The following TLN1 variants were observed in gnomAD, a reference collection of about 807,000 sequenced individuals.
TLN1 encodes talin 1.
A neutral mutation model predicts 292.3 loss-of-function variants in TLN1; 56 were observed. That is an observed-to-expected ratio of 0.19 (90% CI 0.15 to 0.24). The LOEUF (loss-of-function observed/expected upper bound fraction) is 0.24, where lower values mean the gene tolerates loss of function less well. Ranked by LOEUF, TLN1 falls within the 10% of genes least tolerant of loss-of-function variation. The probability of loss-of-function intolerance (pLI) is 1.00; values close to 1 mark genes in which losing one functional copy is unlikely to be tolerated. For synonymous variants in TLN1, 1,119 were observed against 1,253.7 expected (o/e 0.89, Z 2.27); for missense variants, 2,433 against 3,248.2 (o/e 0.75, Z 6.10).
Position 35,703,933 on chromosome 9 carries a change from G to A in TLN1, c.6232-33C>T, listed in dbSNP as rs979489700. 4 of 1,613,726 alleles carry A rather than the reference G, an allele frequency of 2.5e-6. No individual in the cohort carries two copies. In the African/African-American group the frequency reaches 4.0e-5, roughly 16 times the overall value. On this transcript the variant is annotated intron_variant, in intron 46 of 56. Coordinates refer to ENST00000314888, the MANE Select transcript of TLN1 (RefSeq NM_006289.4). ...GGAAAGCGTTGGCTCTGGTCTATGG[G>A]AGGAAGAAGCGGGACAGGAAGTGAT... is the stretch of plus-strand genomic sequence containing the variant.
intron 48 of TLN1, among the ~76,000 whole-genome samples, chr9:35,701,772 T>C (rs1587976300): frequency 6.6e-6 from 1 of 152,010 alleles, no homozygotes; most frequent in Non-Finnish European, 1.5e-5. Context: ...TAGCAAAACT[T>C]AGATGTGGGG....
At chr9:35,708,189 G>T in intron 34 of TLN1, 152 bp downstream of exon 34, 5 of 986,110 alleles carry the variant, frequency 5.1e-6, no homozygotes, top group Non-Finnish European at 7.2e-6. Context: ...GAGACCCATG[G>T]CAGAAAAAGA....
intron 1 of TLN1, 52 bp from the exon 2 acceptor site, chr9:35,725,779 G>GC (rs777217938): frequency 1.6e-5 from 25 of 1,518,846 alleles, no homozygotes; most frequent in African/African-American, 2.7e-5. Context: ...GGGAGAAGAG[G>GC]CCCCCCAGAT....
rs751491477 is a variant in TLN1, at chr9:35,719,758, C to T, written c.1560G>A (p.Pro520=). The change falls in exon 14 of 57, where the codon CCG becomes CCA. Residue 520 remains proline (P), a synonymous_variant. Coordinates refer to ENST00000314888, the MANE Select transcript of TLN1 (RefSeq NM_006289.4). This position sits in a 1 kb window ranked among gnomAD's most constrained non-coding sequence, Gnocchi z 4.6. ...TACTTACAGCATCCTGGCCAAGAGGCGGCAGAGTGTCAAAGTCATCCAGGG... is the reference window on the plus strand; with the variant it reads ...TACTTACAGCATCCTGGCCAAGAGGTGGCAGAGTGTCAAAGTCATCCAGGG... ...QATLDDFDTL[P]PLGQDAASKA... is the part of the protein sequence containing the mutation. 2.8e-5 allele frequency: 45 copies of T among 1,608,630 alleles called. No homozygotes were observed. Among genetic ancestry groups the T allele is most frequent in the South Asian group, 4.4e-5 (4 of 90,262 alleles).
Position 35,705,979 on chromosome 9 carries a change from T to C in TLN1, c.5494A>G (p.Thr1832Ala). 6.2e-7 allele frequency: 1 copy of C among 1,614,154 alleles called. No homozygotes were observed. Among genetic ancestry groups the C allele is most frequent in the Non-Finnish European group, 8.5e-7 (1 of 1,180,010 alleles). The change falls in exon 41 of 57, where the codon ACC (threonine) becomes GCC (alanine). Residue 1832 changes from threonine to alanine, a missense_variant. Thr to Ala is a moderately conservative substitution (Grantham distance 58, BLOSUM62 0). Coordinates refer to ENST00000314888, the MANE Select transcript of TLN1 (RefSeq NM_006289.4). ...GVVGGMVDSITQAINQLDEGP... is the reference protein window; with the variant it reads ...GVVGGMVDSIAQAINQLDEGP... ...ACTCTAACCTGGTTGATGGCCTGGG[T>C]GATGGAGTCCACCATGCCACCCACG... is the stretch of plus-strand genomic sequence containing the variant.
Position 35,719,406 on chromosome 9 carries a change from C to T in TLN1, c.1687+113G>A. 2 of 1,341,046 alleles carry T rather than the reference C, an allele frequency of 1.5e-6. No individual in the cohort carries two copies. Among genetic ancestry groups the T allele is most frequent in the Non-Finnish European group, 2.1e-6 (2 of 936,998 alleles). 83.1% of individuals were successfully genotyped at this position (1,341,046 alleles called of 1,614,324 possible). A position where few individuals can be genotyped will look rare whatever the true frequency, so the allele number is the denominator to read the frequency against. ...CCACAGAAAGACGCACACACACAGT[C>T]CCTTCCACAGTGAGTCAAGGCACAG... is the stretch of plus-strand genomic sequence containing the variant. On this transcript the variant is annotated intron_variant, in intron 15 of 56. Transcript: ENST00000314888. This position sits in a 1 kb window ranked among gnomAD's most constrained non-coding sequence, Gnocchi z 4.6.
rs1055810800 is a variant in TLN1 at position 35,704,363 on chromosome 9, G to A, written c.6016C>T (p.Arg2006Cys). 11 of 1,614,116 alleles carry A rather than the reference G, an allele frequency of 6.8e-6. No individual in the cohort carries two copies. The highest frequency in any genetic ancestry group is 4.4e-5 in the South Asian group (4 of 91,078). The change falls in exon 45 of 57, where the codon CGT becomes TGT. Residue 2006 changes from arginine to cysteine, a missense_variant. By Grantham distance (180) the Arg-to-Cys change is radical. Transcript: ENST00000314888. This position sits in a 1 kb window ranked among gnomAD's most constrained non-coding sequence, Gnocchi z 6.9. ...TCAGCGAAAGTTTCAGTACCCTCAC[G>A]ATTGAGCGTGCCAGCAGTGGCGAAC... The part of the protein sequence containing the change: ...IMFATAGTLN[R>C]EGTETFADHR...
chr9:35,705,717 G>A (rs375507679), intron 42 of TLN1, 33 bp downstream of exon 42: 47 of 1,614,050 alleles, frequency 2.9e-5, no homozygotes, highest in Admixed American at 1.0e-4. Context: ...TCAGCTCTCC[G>A]AGGGCAGTCC....
Position 35,698,596 on chromosome 9 carries a change from C to T in TLN1, c.7188+21G>A, listed in dbSNP as rs970778899. On this transcript the variant is annotated intron_variant, in intron 54 of 56. Transcript: ENST00000314888. The surrounding 1 kb of genome is among the most constrained non-coding windows in gnomAD (Gnocchi z 5.3). ...TCAAGTCTCTCAAACTGAGAGAGAC[C>T]TAGTGGTATTGCACACTTACAGCAG... 5 of 1,614,036 alleles carry T rather than the reference C, an allele frequency of 3.1e-6. No homozygotes were observed. In the African/African-American group the frequency reaches 6.7e-5, roughly 22 times the overall value.
intron 1 of TLN1, among the ~76,000 whole-genome samples, chr9:35,729,965 A>G (rs911867111): frequency 2.0e-5 from 3 of 152,160 alleles, no homozygotes; most frequent in African/African-American, 7.2e-5. Flanking sequence ...CAGGGTGTAG[A>G]AAAAGGATGA....
In TLN1 at chr9:35,714,778, C is replaced by T. The variant is rs754684383; in HGVS notation, c.2853G>A (p.Leu951=). The T allele has an allele frequency of 6.3e-7, 1 of 1,592,248 alleles. No individual in the cohort carries two copies. The highest frequency in any genetic ancestry group is 1.3e-5 in the African/African-American group (1 of 74,608). ...GTCTTACCTTGCAGCTCTGCACCAG[C>T]AGGGGCTGGGGGCCGGCAGAGGCCT... ...TPKASAGPQP[L]LVQSCKAVAE... The change falls in exon 22 of 57, where the codon CTG becomes CTA. Residue 951 remains leucine (L), a synonymous_variant. Transcript: ENST00000314888. The surrounding 1 kb of genome is among the most constrained non-coding windows in gnomAD (Gnocchi z 4.6).
chr9:35,706,627 T>A lies in TLN1; in HGVS notation c.5089-76A>T. The A allele has an allele frequency of 6.3e-7, 1 of 1,593,872 alleles. No homozygotes were observed. Among genetic ancestry groups the A allele is most frequent in the Non-Finnish European group, 8.6e-7 (1 of 1,165,838 alleles). ...CTGGCTACAAAGAACTGCTCTTCTG[T>A]CCATACCAAATACCCTAACCCTCCT... On this transcript the variant is annotated intron_variant, in intron 38 of 56. Coordinates refer to ENST00000314888, the MANE Select transcript of TLN1 (RefSeq NM_006289.4). This position sits in a 1 kb window ranked among gnomAD's most constrained non-coding sequence, Gnocchi z 4.2.
At chr9:35,715,595 TTC>T in intron 20 of TLN1, among the ~76,000 whole-genome samples, 1 of 152,258 alleles carries the variant, frequency 6.6e-6, no homozygotes, top group African/African-American at 2.4e-5. Flanking sequence ...TCATCTGGGC[TTC>T]TTTCTGATGG....
Position 35,699,712 on chromosome 9 carries a change from A to G in TLN1, c.6769-251T>C. 1.0e-6 allele frequency: 1 copy of G among 985,154 alleles called. No individual in the cohort carries two copies. The highest frequency in any genetic ancestry group is 1.2e-6 in the Non-Finnish European group (1 of 829,712). 61.0% of individuals were successfully genotyped at this position (985,154 alleles called of 1,614,324 possible). The stretch of plus-strand genomic sequence containing the variant: ...TGATGAGATGAAAGAGGAGACGACG[A>G]AAGTAGAGAAGGGGGTGGTCAGGTG... On this transcript the variant is annotated intron_variant, in intron 50 of 56. Coordinates refer to ENST00000314888, the MANE Select transcript of TLN1 (RefSeq NM_006289.4). This position sits in a 1 kb window ranked among gnomAD's most constrained non-coding sequence, Gnocchi z 4.0.
Position 35,713,286 on chromosome 9 carries a change from T to C in TLN1, c.3262A>G (p.Thr1088Ala), listed in dbSNP as rs1307616576. The change falls in exon 26 of 57, where the codon ACC becomes GCC. Residue 1088 changes from threonine to alanine, a missense_variant. Around this residue, in one of 7 missense-constraint regions of TLN1, gnomAD observed 1,384 missense variants for 1,699.6 expected, o/e 0.81. Transcript: ENST00000314888. ...TTGGTGCTGTTGCCCAGGTCCTGGG[T>C]ACACTTCTCCATCTAAGGATGAAGG... The part of the protein sequence containing the change: ...PLPGETMEKC[T>A]QDLGNSTKAV... 40 of 1,591,294 alleles carry C rather than the reference T, an allele frequency of 2.5e-5. No individual in the cohort carries two copies. Among genetic ancestry groups the C allele is most frequent in the Non-Finnish European group, 3.4e-5 (40 of 1,161,142 alleles).
chr9:35,700,433 T>C, intron 48 of TLN1, 57 bp from the exon 49 acceptor site: 1 of 1,521,040 alleles, frequency 6.6e-7, no homozygotes. Context: ...TGAGACAGCG[T>C]AGAACTCTGT....
chr9:35,706,310 G>A lies in TLN1; in HGVS notation c.5247C>T (p.Ala1749=), dbSNP rs1825564290. ...EPLTLAAVGA[A]SKTLSHPQQM... is the part of the protein sequence containing the mutation. ...GCTGCGGGTGGCTCAGGGTCTTGGAGGCAGCACCCACTGCAGCCAGGGTGA... is the reference window on the plus strand; with the variant it reads ...GCTGCGGGTGGCTCAGGGTCTTGGAAGCAGCACCCACTGCAGCCAGGGTGA... Residue 1749 remains alanine (A), a synonymous_variant, in exon 40 of 57, where the codon GCC becomes GCT. Coordinates refer to ENST00000314888, the MANE Select transcript of TLN1 (RefSeq NM_006289.4). The surrounding 1 kb of genome is among the most constrained non-coding windows in gnomAD (Gnocchi z 4.2). The A allele has an allele frequency of 6.2e-7, 1 of 1,613,588 alleles. No individual in the cohort carries two copies. Among genetic ancestry groups the A allele is most frequent in the South Asian group, 1.1e-5 (1 of 91,022 alleles).
chr9:35,721,751 TTGG>T lies in TLN1; in HGVS notation c.998_1000del (p.Thr333del). 6.2e-7 allele frequency: 1 copy of T among 1,613,900 alleles called. No homozygotes were observed. The highest frequency in any genetic ancestry group is 8.5e-7 in the Non-Finnish European group (1 of 1,179,756). ...CTCATCCACTCGCATCACACACTCC[TTGG>T]TGATGCCCAGAAGCCTGGGCACTAG... On this transcript the variant is annotated inframe_deletion, in exon 10 of 57. Coordinates refer to ENST00000314888, the MANE Select transcript of TLN1 (RefSeq NM_006289.4).
chr9:35,725,780 C>A, intron 1 of TLN1, 53 bp from the exon 2 acceptor site: 2 of 1,508,814 alleles, frequency 1.3e-6, no homozygotes, highest in East Asian at 2.3e-5. Flanking sequence ...GGAGAAGAGG[C>A]CCCCCAGATG....
Sources: allele counts gnomAD v4.1 joint callset (sites outside exome capture counted in the v4.1 genomes callset), GRCh38; gene constraint gnomAD v4.1.1; regional missense constraint gnomAD v4.1.1; non-coding constraint Gnocchi (gnomAD v3.1); transcripts MANE v1.5; gene names NCBI Gene and HGNC (gene_info 2026-07-23, HGNC 2026-07-21).